The following HIVEP3 variants were observed in gnomAD, a reference collection of about 807,000 sequenced individuals.
HIVEP3 encodes HIVEP zinc finger 3.
In HIVEP3, 49 loss-of-function variants were observed where a neutral mutation model predicts 152.8. The observed-to-expected ratio is 0.32, with a 90% CI of 0.26 to 0.41. The LOEUF is 0.41. HIVEP3 is among the 10% of genes least tolerant of loss of function. The probability of loss-of-function intolerance (pLI) is 1.00; values close to 1 mark genes in which losing one functional copy is unlikely to be tolerated. For synonymous variants in HIVEP3, 1,269 were observed against 1,289.0 expected, an observed-to-expected ratio of 0.98 and a Z score of 0.33; for missense variants, 2,790 against 3,103.3, an observed-to-expected ratio of 0.90 and a Z score of 2.40.
chr1:41,808,514 T>C (rs1030345789), intron 1 of HIVEP3, among the ~76,000 whole-genome samples: 1 of 152,212 alleles, frequency 6.6e-6, no homozygotes. Flanking sequence ...TTTGTTGACT[T>C]AATCAGGCAG....
chr1:41,956,736 C>G (rs903862242), intron 1 of HIVEP3, among the ~76,000 whole-genome samples: 3 of 152,164 alleles, frequency 2.0e-5, no homozygotes, highest in African/African-American at 7.2e-5. Context: ...AGTTTGAAAT[C>G]CATTTTTAAT....
At chr1:42,027,821 A>C (rs548110015) in intron 1 of HIVEP3, among the ~76,000 whole-genome samples, 2 of 152,312 alleles carry the variant, frequency 1.3e-5, no homozygotes, top group Admixed American at 1.3e-4. Context: ...ACCCCTGATA[A>C]ACCCATCAGA....
intron 1 of HIVEP3, among the ~76,000 whole-genome samples, chr1:41,872,533 T>C (rs570650990): frequency 6.6e-6 from 1 of 152,112 alleles, no homozygotes; most frequent in Admixed American, 6.5e-5. Context: ...ACACTCTTTC[T>C]CGGTTAATCC....
At chr1:41,812,677 AG>A (rs1365034238) in intron 1 of HIVEP3, among the ~76,000 whole-genome samples, 2 of 142,388 alleles carry the variant, frequency 1.4e-5, no homozygotes, top group Non-Finnish European at 3.1e-5. Flanking sequence ...CAAGGCTGGT[AG>A]GGGGTGGGGG....
intron 1 of HIVEP3, among the ~76,000 whole-genome samples, chr1:41,868,020 A>G (rs867335960): frequency 2.0e-5 from 3 of 150,822 alleles, no homozygotes; most frequent in South Asian, 2.1e-4. Context: ...CACCATGGTC[A>G]TCCAGGTCCT....
At chr1:41,776,403 G>T (rs1648706699) in intron 1 of HIVEP3, among the ~76,000 whole-genome samples, 1 of 152,272 alleles carries the variant, frequency 6.6e-6, no homozygotes, top group African/African-American at 2.4e-5. Flanking sequence ...GTTTTGGGCA[G>T]TGGGGTGTGT....
At chr1:41,920,362 G>T (rs534623474), upstream of HIVEP3, among the ~76,000 whole-genome samples, 1 of 152,026 alleles carries the variant, frequency 6.6e-6, no homozygotes, top group Admixed American at 6.5e-5. Flanking sequence ...TCCAGCCCCT[G>T]CCCCCTGCTT....
At chr1:41,885,418 C>A (rs973335248) in intron 1 of HIVEP3, among the ~76,000 whole-genome samples, 4 of 152,196 alleles carry the variant, frequency 2.6e-5, no homozygotes, top group Non-Finnish European at 5.9e-5. Flanking sequence ...ATAATCCCAG[C>A]ACTTTGGGAG....
chr1:41,634,139 C>A (rs575010635), intron 2 of HIVEP3, among the ~76,000 whole-genome samples: 3 of 151,200 alleles, frequency 2.0e-5, no homozygotes, highest in South Asian at 4.2e-4. Flanking sequence ...AAAAAAATTA[C>A]TCGAGGAATC....
At chr1:41,886,227 G>T (rs1467086834) in intron 1 of HIVEP3, among the ~76,000 whole-genome samples, 2 of 152,080 alleles carry the variant, frequency 1.3e-5, no homozygotes, top group Non-Finnish European at 2.9e-5. Context: ...GTTAATTTGG[G>T]GATAAATTTA....
At chr1:41,609,076 G>A (rs532243351) in intron 3 of HIVEP3, among the ~76,000 whole-genome samples, 36 of 151,144 alleles carry the variant, frequency 2.4e-4, no homozygotes, top group Non-Finnish European at 4.7e-4. Context: ...AAAAAAAAAC[G>A]GTTTTCACTG....
At position 41,571,283 on chromosome 1, in the gene HIVEP3, T is replaced by C. The variant is rs116252279; in HGVS notation, c.5207+4261A>G. Reference sequence around the variant, plus strand: ...GCTGAATTCCCAGCTTTCCTTGCAATAAGTGAACTTGAGTTAAGACAATAT... The same window carrying C: ...GCTGAATTCCCAGCTTTCCTTGCAACAAGTGAACTTGAGTTAAGACAATAT... On this transcript the variant is annotated intron_variant, in intron 5 of 8. Transcript: ENST00000372583. 9.5e-3 allele frequency among the ~76,000 whole-genome samples: 1,447 copies of C among 152,310 alleles called. 23 individuals are homozygous for C. Among genetic ancestry groups the C allele is most frequent in the African/African-American group, 0.033 (1,366 of 41,566 alleles).
At chr1:41,751,832 A>G (rs1479888389) in intron 1 of HIVEP3, among the ~76,000 whole-genome samples, 2 of 152,186 alleles carry the variant, frequency 1.3e-5, no homozygotes, top group African/African-American at 2.4e-5. Flanking sequence ...AGCATCACAC[A>G]GATGGTATCA....
At chr1:42,028,222 CA>C (rs1336934482) in intron 1 of HIVEP3, among the ~76,000 whole-genome samples, 2 of 152,088 alleles carry the variant, frequency 1.3e-5, no homozygotes, top group Admixed American at 1.3e-4. Context: ...TTTCTTCCAT[CA>C]AAATCTAAGC....
At chr1:41,856,702 G>A (rs999981713) in intron 1 of HIVEP3, among the ~76,000 whole-genome samples, 3 of 152,010 alleles carry the variant, frequency 2.0e-5, no homozygotes, top group African/African-American at 7.3e-5. Flanking sequence ...GGTGCAGCAG[G>A]GGAAAAGGAG....
Position 41,509,747 on chromosome 1 carries a change from G to A in HIVEP3, c.*704C>T, listed in dbSNP as rs1160577751. On this transcript the variant is annotated 3_prime_UTR_variant, in exon 9 of 9. Coordinates refer to ENST00000372583, the MANE Select transcript of HIVEP3 (RefSeq NM_024503.5). ...CAGAGTATCCAGGAGCCCTTGGGGAGCCAGCCCTCCTCCTTCTACCTGCAC... is the reference window on the plus strand; with the variant it reads ...CAGAGTATCCAGGAGCCCTTGGGGAACCAGCCCTCCTCCTTCTACCTGCAC... 2 of 144,082 alleles carry A rather than the reference G, an allele frequency of 1.4e-5. No homozygotes were observed. The highest frequency in any genetic ancestry group is 3.0e-5 in the Non-Finnish European group (2 of 66,944). 8.9% of individuals were successfully genotyped at this position (144,082 alleles called of 1,614,324 possible).
intron 1 of HIVEP3, among the ~76,000 whole-genome samples, chr1:41,806,425 C>T (rs948992217): frequency 6.6e-6 from 1 of 152,234 alleles, no homozygotes; most frequent in Non-Finnish European, 1.5e-5. Flanking sequence ...AGATTGAAGG[C>T]CCAGCCCCGG....
At chr1:41,693,720 C>T (rs1036450847) in intron 2 of HIVEP3, among the ~76,000 whole-genome samples, 11 of 152,158 alleles carry the variant, frequency 7.2e-5, no homozygotes, top group Admixed American at 5.2e-4. Flanking sequence ...TTCGTCATTC[C>T]GGTATGACAC....
chr1:41,996,236 A>T (rs1052480250), intron 1 of HIVEP3, among the ~76,000 whole-genome samples: 1 of 152,054 alleles, frequency 6.6e-6, no homozygotes, highest in Non-Finnish European at 1.5e-5. Flanking sequence ...CTATTAAAAA[A>T]AAAATAGCTG....
Sources: gnomAD v4.1 joint callset for allele counts (sites outside exome capture counted in the v4.1 genomes callset) on GRCh38, gnomAD v4.1.1 for gene constraint, MANE v1.5 for transcripts, NCBI Gene and HGNC (gene_info 2026-07-23, HGNC 2026-07-21) for gene names.